ARHGEF39: variants seen among roughly 807,000 people sequenced by gnomAD.
The protein encoded by ARHGEF39 is Rho guanine nucleotide exchange factor 39.
A neutral mutation model predicts 47.5 loss-of-function variants in ARHGEF39; 45 were observed. The ratio of observed to expected loss-of-function variants is 0.95; its 90% confidence interval spans 0.75 to 1.22. The LOEUF (loss-of-function observed/expected upper bound fraction) is 1.22. Ranked by LOEUF, ARHGEF39 falls within the 50% of genes most tolerant of loss-of-function variation. The probability of loss-of-function intolerance (pLI) is 0.00; values close to 1 mark genes in which losing one functional copy is unlikely to be tolerated. For missense variants in ARHGEF39, 411 were observed against 425.3 expected (o/e 0.97, Z 0.30); for synonymous variants, 164 against 167.8 (o/e 0.98, Z 0.17).
chr9:35,660,796 G>A lies in ARHGEF39; in HGVS notation c.*1191C>T, dbSNP rs780613843. On this transcript the variant is annotated 3_prime_UTR_variant, in exon 9 of 9. Coordinates refer to ENST00000378387, the MANE Select transcript of ARHGEF39 (RefSeq NM_032818.3). Reference sequence around the variant, plus strand: ...CAGGAGCTTCTGAACATGAAGCTATGGACCATCCACGAGCTGCTGCAAGAT... The same window carrying A: ...CAGGAGCTTCTGAACATGAAGCTATAGACCATCCACGAGCTGCTGCAAGAT... The A allele has an allele frequency of 8.7e-6, 14 of 1,614,048 alleles. No individual in the cohort carries two copies. In the South Asian group the frequency reaches 1.3e-4, roughly 15 times the overall value.
intron 7 of ARHGEF39, 91 bp from the exon 8 acceptor site, chr9:35,662,358 G>A (rs1823997494): frequency 2.8e-6 from 4 of 1,435,630 alleles, no homozygotes; most frequent in East Asian, 2.3e-5. Context: ...ATTCAGGGAT[G>A]AGACAATGAC....
chr9:35,664,887 G>T, intron 1 of ARHGEF39, 37 bp from the exon 2 acceptor site: 1 of 1,594,120 alleles, frequency 6.3e-7, no homozygotes. Flanking sequence ...TAGCCTAGAG[G>T]AAGAGAAGGC....
At chr9:35,664,922 G>A in intron 1 of ARHGEF39, 72 bp from the exon 2 acceptor site, 1 of 1,552,068 alleles carries the variant, frequency 6.4e-7, no homozygotes, top group African/African-American at 1.4e-5. Flanking sequence ...CCCAGAAACC[G>A]CAGAAGTCTG....
Position 35,661,170 on chromosome 9 carries a change from C to A in ARHGEF39, c.*817G>T. On this transcript the variant is annotated 3_prime_UTR_variant, in exon 9 of 9. Coordinates refer to ENST00000378387, the MANE Select transcript of ARHGEF39 (RefSeq NM_032818.3). ...GACGACAGCTGAAGGTCGACTAAAA[C>A]AAAGTCTGTTTTCATGATGGAGTGC... is the stretch of plus-strand genomic sequence containing the variant. The A allele has an allele frequency of 6.2e-7, 1 of 1,600,986 alleles. No individual in the cohort carries two copies. The highest frequency in any genetic ancestry group is 8.5e-7 in the Non-Finnish European group (1 of 1,172,208).
At chr9:35,662,290 C>T (rs372474273) in intron 7 of ARHGEF39, 23 bp from the exon 8 acceptor site, 6 of 1,603,842 alleles carry the variant, frequency 3.7e-6, no homozygotes, top group Middle Eastern at 3.3e-4. Flanking sequence ...CACCTCTTAG[C>T]GCATGGCTCA....
chr9:35,660,104 CG>C lies in ARHGEF39; in HGVS notation c.*1882del, dbSNP rs1823832909. The stretch of plus-strand genomic sequence containing the variant: ...AGGTGATCCACCCACCTTGGCTTCC[CG>C]AAGTGCTGGGATTACAGGTGTGAGC... On this transcript the variant is annotated 3_prime_UTR_variant, in exon 9 of 9. Coordinates refer to ENST00000378387, the MANE Select transcript of ARHGEF39 (RefSeq NM_032818.3). The C allele has an allele frequency of 4.1e-6, 1 of 241,530 alleles. No individual in the cohort carries two copies. The highest frequency in any genetic ancestry group is 8.1e-6 in the Non-Finnish European group (1 of 124,090). The allele number at this position is 241,530 out of a possible 1,614,324, so 15.0% of individuals were successfully genotyped here.
chr9:35,660,745 G>A lies in ARHGEF39; in HGVS notation c.*1242C>T, dbSNP rs756350610. 1.9e-6 allele frequency: 3 copies of A among 1,613,968 alleles called. No individual in the cohort carries two copies. Among genetic ancestry groups the A allele is most frequent in the East Asian group, 4.5e-5 (2 of 44,886 alleles). On this transcript the variant is annotated 3_prime_UTR_variant, in exon 9 of 9. Coordinates refer to ENST00000378387, the MANE Select transcript of ARHGEF39 (RefSeq NM_032818.3). ...GAGCCACTGAGTGGACATTTCTTCA[G>A]TGTGACTACTCTGGCTGGAGCCCAG... is the stretch of plus-strand genomic sequence containing the variant.
In ARHGEF39 at chr9:35,660,460, A is replaced by G; in HGVS notation, c.*1527T>C. ...CAAGCAAGCAGCAGCCACTGCAGTC[A>G]GGTGGGTTTAGCAGAAGTCTGTGCT... is the stretch of plus-strand genomic sequence containing the variant. On this transcript the variant is annotated 3_prime_UTR_variant, in exon 9 of 9. Transcript: ENST00000378387. The G allele has an allele frequency of 1.9e-6, 3 of 1,613,392 alleles. No homozygotes were observed. The highest frequency in any genetic ancestry group is 2.5e-6 in the Non-Finnish European group (3 of 1,179,650).
In ARHGEF39 at chr9:35,660,836, G is replaced by A; in HGVS notation, c.*1151C>T. 6.2e-7 allele frequency: 1 copy of A among 1,614,180 alleles called. No homozygotes were observed. The highest frequency in any genetic ancestry group is 8.5e-7 in the Non-Finnish European group (1 of 1,180,038). ...TGCTGCAAGATAGCAAGCCGGACAA[G>A]GATATGGAGGCTTCAGAACCAGGTG... On this transcript the variant is annotated 3_prime_UTR_variant, in exon 9 of 9. Coordinates refer to ENST00000378387, the MANE Select transcript of ARHGEF39 (RefSeq NM_032818.3).
At position 35,663,342 on chromosome 9, in the gene ARHGEF39, G is replaced by C. The variant is rs1321350334; in HGVS notation, c.524C>G (p.Pro175Arg). ...ALAENTGPNS[P>R]DHQQLTRAAR... is the part of the protein sequence containing the mutation. ...CCTACGTGTGAGCTGTTGATGGTCA[G>C]GGCTGTTGGGACCTGTGTTTTCAGC... Residue 175 changes from proline (P) to arginine (R), a missense_variant, in exon 5 of 9, where the codon CCT (proline) becomes CGT (arginine). Pro to Arg is a moderately radical substitution (Grantham distance 103). Coordinates refer to ENST00000378387, the MANE Select transcript of ARHGEF39 (RefSeq NM_032818.3). 1 of 1,613,916 alleles carries C rather than the reference G, an allele frequency of 6.2e-7. No homozygotes were observed. Among genetic ancestry groups the C allele is most frequent in the East Asian group, 2.2e-5 (1 of 44,896 alleles).
Position 35,660,833 on chromosome 9 carries a change from C to CCTG in ARHGEF39, c.*1153_*1154insCAG, listed in dbSNP as rs1823893138. 1 of 1,614,046 alleles carries CCTG rather than the reference C, an allele frequency of 6.2e-7. No homozygotes were observed. The highest frequency in any genetic ancestry group is 8.5e-7 in the Non-Finnish European group (1 of 1,180,050). On this transcript the variant is annotated 3_prime_UTR_variant, in exon 9 of 9. Transcript: ENST00000378387. Reference sequence around the variant, plus strand: ...AGCTGCTGCAAGATAGCAAGCCGGACAAGGATATGGAGGCTTCAGAACCAG... The same window carrying CCTG: ...AGCTGCTGCAAGATAGCAAGCCGGACCTGAAGGATATGGAGGCTTCAGAACCAG...
chr9:35,660,888 G>T lies in ARHGEF39; in HGVS notation c.*1099C>A, dbSNP rs1823898565. 11 of 1,614,032 alleles carry T rather than the reference G, an allele frequency of 6.8e-6. No individual in the cohort carries two copies. Among genetic ancestry groups the T allele is most frequent in the African/African-American group, 2.7e-5 (2 of 74,932 alleles). On this transcript the variant is annotated 3_prime_UTR_variant, in exon 9 of 9. Transcript: ENST00000378387. ...AGGCTCGGGAGGCGAGTCTGCTGGAGGTGGAGACAAAGTCTCTGAAACTGG... is the reference window on the plus strand; with the variant it reads ...AGGCTCGGGAGGCGAGTCTGCTGGATGTGGAGACAAAGTCTCTGAAACTGG...
At position 35,664,813 on chromosome 9, in the gene ARHGEF39, C is replaced by T. The variant is rs1271573422; in HGVS notation, c.176G>A (p.Arg59Gln). The change falls in exon 2 of 9, where the codon CGA (arginine) becomes CAA (glutamine). Residue 59 changes from arginine to glutamine, a missense_variant. Arg to Gln is a conservative substitution (Grantham distance 43). Transcript: ENST00000378387. ...AAACAGGGCCTGGCGCTCAGGTGGT[C>T]GCAGGGTCCCCTTGGCTTTCAGGAT... ...LGILKAKGTL[R>Q]PPERQALFGS... The T allele has an allele frequency of 3.9e-5, 63 of 1,611,820 alleles. No homozygotes were observed. The highest frequency in any genetic ancestry group is 5.3e-5 in the Non-Finnish European group (63 of 1,180,010).
rs1443934573 is a variant in ARHGEF39, at chr9:35,665,086, C to T, written c.84G>A (p.Arg28=). The change falls in exon 1 of 9, where the codon CGG becomes CGA. Residue 28 remains arginine (R), a synonymous_variant. Coordinates refer to ENST00000378387, the MANE Select transcript of ARHGEF39 (RefSeq NM_032818.3). ...RWERKRACTA[R]ELLETERRYQ... Reference sequence around the variant, plus strand: ...AGCGCCGCTCGGTCTCTAGCAGCTCCCGGGCGGTGCAGGCGCGTTTCCGCT... The same window carrying T: ...AGCGCCGCTCGGTCTCTAGCAGCTCTCGGGCGGTGCAGGCGCGTTTCCGCT... The T allele has an allele frequency of 2.6e-6, 4 of 1,555,712 alleles. No homozygotes were observed. In the South Asian group the frequency reaches 3.5e-5, roughly 14 times the overall value.
rs148338652 is a variant in ARHGEF39, at chr9:35,662,549, A to C, written c.866T>G (p.Phe289Cys). 3.7e-6 allele frequency: 6 copies of C among 1,614,176 alleles called. No individual in the cohort carries two copies. Among genetic ancestry groups the C allele is most frequent in the Non-Finnish European group, 5.1e-6 (6 of 1,180,026 alleles). Reference protein sequence around the residue: ...PMAQCHLSRVFGHSGGPCGGL... With the variant: ...PMAQCHLSRVCGHSGGPCGGL... Reference sequence around the variant, plus strand: ...ACCACAAGGGCCTCCTGAGTGGCCAAAGACCCTGCTGAGATGACACTGGGC... The same window carrying C: ...ACCACAAGGGCCTCCTGAGTGGCCACAGACCCTGCTGAGATGACACTGGGC... The change falls in exon 7 of 9, where the codon TTT becomes TGT. Residue 289 changes from phenylalanine to cysteine, a missense_variant. Coordinates refer to ENST00000378387, the MANE Select transcript of ARHGEF39 (RefSeq NM_032818.3).
Position 35,665,021 on chromosome 9 carries a change from A to T in ARHGEF39, c.138+11T>A. On this transcript the variant is annotated intron_variant, in intron 1 of 8. Transcript: ENST00000378387. Reference sequence around the variant, plus strand: ...CTGTCCTATAATGGGAGCGTGTGCCAGGTCCCCCACCGTGGCCACCAGCCC... The same window carrying T: ...CTGTCCTATAATGGGAGCGTGTGCCTGGTCCCCCACCGTGGCCACCAGCCC... 1 of 1,546,918 alleles carries T rather than the reference A, an allele frequency of 6.5e-7. No individual in the cohort carries two copies. Among genetic ancestry groups the T allele is most frequent in the Non-Finnish European group, 8.7e-7 (1 of 1,147,124 alleles).
In ARHGEF39 at chr9:35,661,823, A is replaced by T; in HGVS notation, c.*164T>A. 1 of 795,898 alleles carries T rather than the reference A, an allele frequency of 1.3e-6. No individual in the cohort carries two copies. Among genetic ancestry groups the T allele is most frequent in the Non-Finnish European group, 2.0e-6 (1 of 503,370 alleles). 49.3% of individuals were successfully genotyped at this position (795,898 alleles called of 1,614,324 possible). A position where few individuals can be genotyped will look rare whatever the true frequency, so the allele number is the denominator to read the frequency against. ...GCCACTGTGCCTGGCCGTGATTTTTAAGAGTTGGTCAGATGATCTGGAGTA... is the reference window on the plus strand; with the variant it reads ...GCCACTGTGCCTGGCCGTGATTTTTTAGAGTTGGTCAGATGATCTGGAGTA... On this transcript the variant is annotated 3_prime_UTR_variant, in exon 9 of 9. Coordinates refer to ENST00000378387, the MANE Select transcript of ARHGEF39 (RefSeq NM_032818.3).
Position 35,661,176 on chromosome 9 carries a change from C to G in ARHGEF39, c.*811G>C, listed in dbSNP as rs1383249945. On this transcript the variant is annotated 3_prime_UTR_variant, in exon 9 of 9. Coordinates refer to ENST00000378387, the MANE Select transcript of ARHGEF39 (RefSeq NM_032818.3). ...AGCTGAAGGTCGACTAAAACAAAGT[C>G]TGTTTTCATGATGGAGTGCTCCTGT... The G allele has an allele frequency of 6.3e-7, 1 of 1,596,960 alleles. No individual in the cohort carries two copies. Among genetic ancestry groups the G allele is most frequent in the Non-Finnish European group, 8.5e-7 (1 of 1,169,916 alleles).
chr9:35,660,551 C>G lies in ARHGEF39; in HGVS notation c.*1436G>C, dbSNP rs1823866915. 1.2e-6 allele frequency: 2 copies of G among 1,613,624 alleles called. No individual in the cohort carries two copies. The highest frequency in any genetic ancestry group is 1.7e-5 in the Admixed American group (1 of 59,900). On this transcript the variant is annotated 3_prime_UTR_variant, in exon 9 of 9. Coordinates refer to ENST00000378387, the MANE Select transcript of ARHGEF39 (RefSeq NM_032818.3). ...ACTTCTGCCCCCTTTTTTCCCTTATCCCCAGAGCAACAGCTGGCCCAGTTG... is the reference window on the plus strand; with the variant it reads ...ACTTCTGCCCCCTTTTTTCCCTTATGCCCAGAGCAACAGCTGGCCCAGTTG...
Sources: allele counts gnomAD v4.1 joint callset, GRCh38; gene constraint gnomAD v4.1.1; transcripts MANE v1.5; gene names NCBI Gene and HGNC (gene_info 2026-07-23, HGNC 2026-07-21).